The following FAF2 variants were observed in gnomAD, a reference collection of about 807,000 sequenced individuals.
FAF2 encodes the protein FAS-associated factor 2.
A neutral mutation model predicts 62.3 loss-of-function variants in FAF2; 9 were observed. That is an observed-to-expected ratio of 0.14 (90% CI 0.09 to 0.25). FAF2 has a LOEUF of 0.25. Among genes scored for constraint, FAF2 ranks in the 10% least tolerant of loss-of-function variants. FAF2 has a pLI of 1.00. For missense variants in FAF2, 368 were observed against 556.2 expected (o/e 0.66, Z 3.40); for synonymous variants, 202 against 198.0 (o/e 1.02, Z -0.17).
At chr5:176,504,999 G>T (rs1439575782) in intron 10 of FAF2, among the ~76,000 whole-genome samples, 1 of 148,876 alleles carries the variant, frequency 6.7e-6, no homozygotes, top group East Asian at 2.1e-4. Context: ...CTCCAGCCTG[G>T]GCGACAGAGC....
chr5:176,464,487 C>CTTTTTTT (rs142550204), intron 1 of FAF2, among the ~76,000 whole-genome samples: 1 of 80,034 alleles, frequency 1.2e-5, no homozygotes, highest in Non-Finnish European at 2.3e-5. Context: ...CAAGCTGATT[C>CTTTTTTT]TTTTTTTTTT....
chr5:176,495,505 C>A (rs76638342), intron 7 of FAF2, among the ~76,000 whole-genome samples: 22,546 of 125,748 alleles, frequency 0.18, 2,310 homozygotes, highest in East Asian at 0.31. Context: ...GTCATTTGGA[C>A]ACCAATTTTT....
chr5:176,465,411 A>G (rs1221488747), intron 1 of FAF2, among the ~76,000 whole-genome samples: 1 of 135,196 alleles, frequency 7.4e-6, no homozygotes, highest in Non-Finnish European at 1.5e-5. Context: ...CTTGTCATCC[A>G]GGCTGGAGTG....
intron 10 of FAF2, among the ~76,000 whole-genome samples, chr5:176,503,620 C>T (rs1755631504): frequency 6.6e-6 from 1 of 151,708 alleles, no homozygotes; most frequent in African/African-American, 2.4e-5. Context: ...AAATAATCTC[C>T]AGGAGTGACA....
intron 1 of FAF2, among the ~76,000 whole-genome samples, chr5:176,471,571 C>CG (rs1758570432): frequency 2.0e-5 from 3 of 151,416 alleles, no homozygotes; most frequent in East Asian, 1.9e-4. Flanking sequence ...TTAGTAGAGA[C>CG]GGGGTTTCAC....
chr5:176,492,145 T>G (rs1433060094), intron 4 of FAF2, 49 bp from the exon 5 acceptor site: 1 of 1,611,540 alleles, frequency 6.2e-7, no homozygotes, highest in African/African-American at 1.3e-5. Context: ...CCACTCGATA[T>G]GCACTGTAGT....
intron 2 of FAF2, among the ~76,000 whole-genome samples, chr5:176,483,696 C>G (rs1758824436): frequency 6.6e-6 from 1 of 152,154 alleles, no homozygotes. Context: ...TGCTAATTCA[C>G]TAGAACTCAC....
intron 2 of FAF2, among the ~76,000 whole-genome samples, chr5:176,484,038 C>T (rs972594394): frequency 1.3e-5 from 2 of 151,736 alleles, no homozygotes; most frequent in Non-Finnish European, 2.9e-5. Flanking sequence ...TGTACCACTG[C>T]ACTCCAGCCT....
chr5:176,479,452 A>G (rs983715638), intron 2 of FAF2, among the ~76,000 whole-genome samples, 196 bp downstream of exon 2: 4 of 152,178 alleles, frequency 2.6e-5, no homozygotes, highest in African/African-American at 7.2e-5. Flanking sequence ...AAATCCCTCA[A>G]TATAGTGCCC....
At chr5:176,464,010 G>A (rs552880225) in intron 1 of FAF2, among the ~76,000 whole-genome samples, 4 of 152,262 alleles carry the variant, frequency 2.6e-5, no homozygotes, top group Admixed American at 1.3e-4. Context: ...GATTACAGGC[G>A]TGAGCCACTG....
At chr5:176,482,645 A>G (rs1758802041) in intron 2 of FAF2, among the ~76,000 whole-genome samples, 1 of 152,156 alleles carries the variant, frequency 6.6e-6, no homozygotes, top group Admixed American at 6.6e-5. Flanking sequence ...AGTAGCTAGG[A>G]CTACAAGCAC....
chr5:176,498,161 C>T (rs1755530930), intron 8 of FAF2, among the ~76,000 whole-genome samples: 1 of 152,052 alleles, frequency 6.6e-6, no homozygotes, highest in African/African-American at 2.4e-5. Context: ...AGATCAAAAT[C>T]CTGTAAATAA....
rs1339022059 is a variant in FAF2 at position 176,494,948 on chromosome 5, G to T, written c.661+673G>T. Among the ~76,000 whole-genome samples the T allele has an allele frequency of 6.6e-6, 1 of 152,186 alleles. No individual in the cohort carries two copies. Among genetic ancestry groups the T allele is most frequent in the East Asian group, 1.9e-4 (1 of 5,198 alleles). On this transcript the variant is annotated intron_variant, in intron 7 of 10. Transcript: ENST00000261942. This position sits in a 1 kb window ranked among gnomAD's most constrained non-coding sequence, Gnocchi z 4.0. ...CCTGCCACATTCATAGAAATACCCA[G>T]TCTTGGCTAGCAGCTTGCTTTTAAT...
rs577664596 is a variant in FAF2 at position 176,476,757 on chromosome 5, C to G, written c.64-2431C>G. ...AAGCGATTCCCCCACCACAGCCTCC[C>G]GAGAGTATCTGGGACTACAGGCACG... On this transcript the variant is annotated intron_variant, in intron 1 of 10. Coordinates refer to ENST00000261942, the MANE Select transcript of FAF2 (RefSeq NM_014613.3). Among the ~76,000 whole-genome samples, 4 of 148,992 alleles carry G rather than the reference C, an allele frequency of 2.7e-5. 1 individual carries two copies. In the South Asian group the frequency reaches 6.4e-4, roughly 24 times the overall value.
At chr5:176,492,399 C>T (rs1758987837) in intron 5 of FAF2, 67 bp downstream of exon 5, 1 of 1,481,710 alleles carries the variant, frequency 6.7e-7, no homozygotes, top group Admixed American at 2.4e-5. Context: ...GAGAGCACAG[C>T]CCAGCACTGA....
Position 176,492,086 on chromosome 5 carries a change from C to T in FAF2, c.345-108C>T. On this transcript the variant is annotated intron_variant, in intron 4 of 10. Coordinates refer to ENST00000261942, the MANE Select transcript of FAF2 (RefSeq NM_014613.3). ...GTCCACTCACAGACTGTTCACCTCC[C>T]TTTGTTGCCGTGCCTCTGGCTCTGT... 4 of 1,301,990 alleles carry T rather than the reference C, an allele frequency of 3.1e-6. No individual in the cohort carries two copies. The South Asian group carries it at 3.6e-5, about 12-fold the overall frequency. 80.7% of individuals were successfully genotyped at this position (1,301,990 alleles called of 1,614,324 possible).
rs1326022713 is a variant in FAF2 at position 176,507,504 on chromosome 5, G to T, written c.*554G>T. Reference sequence around the variant, plus strand: ...GTTTTGTAATGACCAAAGGAATGAGGCTGACATAGGTATATATATATATTT... The same window carrying T: ...GTTTTGTAATGACCAAAGGAATGAGTCTGACATAGGTATATATATATATTT... On this transcript the variant is annotated 3_prime_UTR_variant, in exon 11 of 11. Coordinates refer to ENST00000261942, the MANE Select transcript of FAF2 (RefSeq NM_014613.3). 1 of 249,844 alleles carries T rather than the reference G, an allele frequency of 4.0e-6. No individual in the cohort carries two copies. The allele number at this position is 249,844 out of a possible 1,614,324, so 15.5% of individuals were successfully genotyped here.
intron 1 of FAF2, among the ~76,000 whole-genome samples, chr5:176,458,966 C>G (rs576897369): frequency 6.6e-6 from 1 of 152,214 alleles, no homozygotes; most frequent in East Asian, 1.9e-4. Flanking sequence ...CCTTGAAGGA[C>G]TTAAGGATTT....
At position 176,475,515 on chromosome 5, in the gene FAF2, G is replaced by A. The variant is rs1027528886; in HGVS notation, c.64-3673G>A. On this transcript the variant is annotated intron_variant, in intron 1 of 10. Transcript: ENST00000261942. ...ATACCAGCCGGGCACGGTGGCTCAC[G>A]CCTGTAATCCCAACACTTTGGGAGG... 1.6e-4 allele frequency among the ~76,000 whole-genome samples: 24 copies of A among 152,174 alleles called. 1 individual carries two copies. The highest frequency in any genetic ancestry group is 5.5e-4 in the African/African-American group (23 of 41,456).
Sources: gnomAD v4.1 joint callset for allele counts (sites outside exome capture counted in the v4.1 genomes callset) on GRCh38, gnomAD v4.1.1 for gene constraint, Gnocchi (gnomAD v3.1) non-coding constraint, MANE v1.5 for transcripts, NCBI Gene and HGNC (gene_info 2026-07-23, HGNC 2026-07-21) for gene names.